The following KLHL6 variants were observed in gnomAD, a reference collection of about 807,000 sequenced individuals.
The protein encoded by KLHL6 is kelch like family member 6.
A neutral mutation model predicts 58.6 loss-of-function variants in KLHL6; 41 were observed. That is an observed-to-expected ratio of 0.70 (90% CI 0.55 to 0.91). KLHL6 has a LOEUF of 0.91. KLHL6 is among the 40% of genes least tolerant of loss of function. KLHL6 has a pLI of 0.00. For missense variants in KLHL6, 714 were observed against 805.6 expected (o/e 0.89, Z 1.38); for synonymous variants, 338 against 322.7 (o/e 1.05, Z -0.51).
intron 3 of KLHL6, 39 bp downstream of exon 3, chr3:183,508,020 T>A (rs1478919428): frequency 1.3e-6 from 2 of 1,571,214 alleles, no homozygotes. Context: ...AACTCCTTAC[T>A]TCGCTGGTTA....
chr3:183,555,288 T>C (rs1004757177), intron 1 of KLHL6, 73 bp downstream of exon 1: 28 of 1,264,438 alleles, frequency 2.2e-5, no homozygotes, highest in Admixed American at 9.6e-5. Context: ...CTGTTCAAGA[T>C]TGGGCTCTCA....
chr3:183,528,383 C>T (rs950566481), intron 1 of KLHL6, among the ~76,000 whole-genome samples: 1 of 152,240 alleles, frequency 6.6e-6, no homozygotes, highest in Non-Finnish European at 1.5e-5. Flanking sequence ...CACTAGCTCT[C>T]GTTTGGCCTG....
intron 2 of KLHL6, among the ~76,000 whole-genome samples, chr3:183,527,130 C>CA (rs908432341): frequency 4.0e-5 from 6 of 149,042 alleles, no homozygotes; most frequent in Non-Finnish European, 6.0e-5. Flanking sequence ...ACAAACAAAC[C>CA]AAAAAAAAGG....
intron 1 of KLHL6, among the ~76,000 whole-genome samples, chr3:183,535,606 AT>A (rs1712338341): frequency 6.6e-6 from 1 of 152,184 alleles, no homozygotes; most frequent in Non-Finnish European, 1.5e-5. Flanking sequence ...TGAGAGGTTA[AT>A]TTGGTTGAAT....
Position 183,492,095 on chromosome 3 carries a change from C to A in KLHL6, c.1698G>T (p.Arg566=), listed in dbSNP as rs1368405504. 6.2e-7 allele frequency: 1 copy of A among 1,613,854 alleles called. No homozygotes were observed. Among genetic ancestry groups the A allele is most frequent in the Non-Finnish European group, 8.5e-7 (1 of 1,180,026 alleles). ...TGGCGATAACCTCGTTCTTCTCGTC[C>A]CGCCCGCCGGTGATGTAGAGCCGGT... is the stretch of plus-strand genomic sequence containing the variant. The part of the protein sequence containing the change: ...CNNRLYITGG[R]DEKNEVIATV... Residue 566 remains arginine (R), a synonymous_variant, in exon 7 of 7, where the codon CGG becomes CGT. Transcript: ENST00000341319. This position sits in a 1 kb window ranked among gnomAD's most constrained non-coding sequence, Gnocchi z 5.9.
chr3:183,510,163 C>T (rs1236427281), intron 2 of KLHL6, among the ~76,000 whole-genome samples: 1 of 152,120 alleles, frequency 6.6e-6, no homozygotes, highest in Non-Finnish European at 1.5e-5. Context: ...TTGTTGTTCT[C>T]TGGAGCTTAG....
chr3:183,510,765 T>A (rs1378006560), intron 2 of KLHL6, among the ~76,000 whole-genome samples: 1 of 151,960 alleles, frequency 6.6e-6, no homozygotes, highest in Non-Finnish European at 1.5e-5. Flanking sequence ...TCCCAGCTAC[T>A]CAGGAGGCTG....
chr3:183,552,484 C>T (rs953824436), intron 1 of KLHL6, among the ~76,000 whole-genome samples: 1 of 151,894 alleles, frequency 6.6e-6, no homozygotes, highest in East Asian at 1.9e-4. Flanking sequence ...TTTGGGAGGC[C>T]GAGGCGGGTG....
At chr3:183,536,022 C>T (rs573134723) in intron 1 of KLHL6, among the ~76,000 whole-genome samples, 1 of 152,344 alleles carries the variant, frequency 6.6e-6, no homozygotes, top group African/African-American at 2.4e-5. Context: ...GATCTGCCCC[C>T]CTCGGGCTCC....
chr3:183,517,398 G>A (rs1483497467), intron 2 of KLHL6, among the ~76,000 whole-genome samples: 3 of 152,122 alleles, frequency 2.0e-5, no homozygotes, highest in Non-Finnish European at 2.9e-5. Flanking sequence ...CTCCAGCTCC[G>A]TTCCCGTGGC....
chr3:183,529,321 G>T (rs1267633602), intron 1 of KLHL6, among the ~76,000 whole-genome samples: 1 of 151,706 alleles, frequency 6.6e-6, no homozygotes, highest in Non-Finnish European at 1.5e-5. Flanking sequence ...GAGAGATATA[G>T]AGATTTTTTT....
intron 4 of KLHL6, among the ~76,000 whole-genome samples, chr3:183,497,075 TTG>T (rs200688080): frequency 0.11 from 16,394 of 152,162 alleles, 1,126 homozygotes; most frequent in Admixed American, 0.17. Flanking sequence ...GGTCAGGAGT[TTG>T]AGACCAGCCT....
intron 2 of KLHL6, among the ~76,000 whole-genome samples, chr3:183,527,544 T>C (rs1712016470): frequency 6.6e-6 from 1 of 152,194 alleles, no homozygotes; most frequent in Non-Finnish European, 1.5e-5. Context: ...GTACTTATTG[T>C]TCTTGGAGTC....
intron 5 of KLHL6, chr3:183,493,615 T>C (rs1237810509): frequency 6.1e-6 from 1 of 164,388 alleles, no homozygotes; most frequent in African/African-American, 2.4e-5. Context: ...GGCCTGTAAG[T>C]GGCTCATCAT....
chr3:183,492,087 T>C lies in KLHL6; in HGVS notation c.1706A>G (p.Lys569Arg). 6.2e-7 allele frequency: 1 copy of C among 1,613,900 alleles called. No individual in the cohort carries two copies. Among genetic ancestry groups the C allele is most frequent in the Non-Finnish European group, 8.5e-7 (1 of 1,180,010 alleles). ...CAGCACCGTGGCGATAACCTCGTTC[T>C]TCTCGTCCCGCCCGCCGGTGATGTA... ...RLYITGGRDEKNEVIATVLCW... is the reference protein window; with the variant it reads ...RLYITGGRDERNEVIATVLCW... Residue 569 changes from lysine (K) to arginine (R), a missense_variant, in exon 7 of 7, where the codon AAG becomes AGG. Around this residue, in one of 2 missense-constraint regions of KLHL6, gnomAD observed 510 missense variants for 629.7 expected, o/e 0.81. Transcript: ENST00000341319. This position sits in a 1 kb window ranked among gnomAD's most constrained non-coding sequence, Gnocchi z 5.9.
In KLHL6 at chr3:183,489,814, T is replaced by G. The variant is rs1318456861; in HGVS notation, c.*2113A>C. On this transcript the variant is annotated 3_prime_UTR_variant, in exon 7 of 7. Coordinates refer to ENST00000341319, the MANE Select transcript of KLHL6 (RefSeq NM_130446.4). The stretch of plus-strand genomic sequence containing the variant: ...ATCTGGCATAAACAGAAATCTCACC[T>G]GTAATTTTTCAAGTTTTTAAAATCT... 1 of 152,252 alleles carries G rather than the reference T, an allele frequency of 6.6e-6. No individual in the cohort carries two copies. The highest frequency in any genetic ancestry group is 6.5e-5 in the Admixed American group (1 of 15,280). 9.4% of individuals were successfully genotyped at this position (152,252 alleles called of 1,614,324 possible).
At position 183,499,938 on chromosome 3, in the gene KLHL6, A is replaced by G. The variant is rs541470275; in HGVS notation, c.910-111T>C. ...TTCCCATATCTGCCACGGTATGACC[A>G]TGTGACTTCACCTCCCTGAGCCTCA... On this transcript the variant is annotated intron_variant, in intron 3 of 6. Transcript: ENST00000341319. The surrounding 1 kb of genome is among the most constrained non-coding windows in gnomAD (Gnocchi z 4.6). 178 of 695,832 alleles carry G rather than the reference A, an allele frequency of 2.6e-4. 2 individuals are homozygous for G. In the East Asian group the frequency reaches 4.8e-3, roughly 19 times the overall value. 43.1% of individuals were successfully genotyped at this position (695,832 alleles called of 1,614,324 possible).
rs545837961 is a variant in KLHL6 at position 183,534,998 on chromosome 3, G to A, written c.294-6988C>T. 2.7e-5 allele frequency among the ~76,000 whole-genome samples: 4 copies of A among 148,952 alleles called. No homozygotes were observed. The East Asian group carries it at 7.9e-4, about 29-fold the overall frequency. On this transcript the variant is annotated intron_variant, in intron 1 of 6. Coordinates refer to ENST00000341319, the MANE Select transcript of KLHL6 (RefSeq NM_130446.4). ...CTCTCTCTGTTGCCCAGGCTGGAGT[G>A]CAGTGGCACAATATCGGCTCACTGC...
rs1717489595 is a variant in KLHL6 at position 183,489,638 on chromosome 3, G to C, written c.*2289C>G. 1.3e-5 allele frequency: 2 copies of C among 152,118 alleles called. No homozygotes were observed. The highest frequency in any genetic ancestry group is 2.9e-5 in the Non-Finnish European group (2 of 68,034). 9.4% of individuals were successfully genotyped at this position (152,118 alleles called of 1,614,324 possible). On this transcript the variant is annotated 3_prime_UTR_variant, in exon 7 of 7. Coordinates refer to ENST00000341319, the MANE Select transcript of KLHL6 (RefSeq NM_130446.4). ...TGGGAGCTTCCTGATGGTTATTATA[G>C]TGCTCATGAGTCAGCAATAGTTTGT...
Sources: gnomAD v4.1 joint callset for allele counts (sites outside exome capture counted in the v4.1 genomes callset) on GRCh38, gnomAD v4.1.1 for gene constraint, gnomAD v4.1.1 regional missense constraint, Gnocchi (gnomAD v3.1) non-coding constraint, MANE v1.5 for transcripts, NCBI Gene and HGNC (gene_info 2026-07-23, HGNC 2026-07-21) for gene names.